Variants in ZBBX observed in about 807,000 individuals in gnomAD.
ZBBX encodes the protein zinc finger B-box domain containing.
ZBBX carries 101 observed loss-of-function variants against 108.5 expected under a neutral mutation model. The ratio of observed to expected loss-of-function variants is 0.93; its 90% confidence interval spans 0.79 to 1.10. The LOEUF (loss-of-function observed/expected upper bound fraction) is 1.10. Ranked by LOEUF, ZBBX falls within the 50% of genes least tolerant of loss-of-function variation. The pLI, the probability that ZBBX is intolerant of heterozygous loss-of-function variation, is 0.00. For missense variants in ZBBX, 1,009 were observed against 941.4 expected (o/e 1.07, Z -0.94); for synonymous variants, 356 against 323.4 (o/e 1.10, Z -1.08).
intron 12 of ZBBX, among the ~76,000 whole-genome samples, chr3:167,320,243 C>CAAA (rs201604484): frequency 1.1e-4 from 11 of 98,348 alleles, no homozygotes; most frequent in Admixed American, 4.9e-4. Context: ...GCAAACTAAC[C>CAAA]AAAAAAAAAA....
rs889936416 is a variant in ZBBX, at chr3:167,380,255, C to G, written c.-295G>C. ...GCAGACAGACAACCCACCTGGAGACCCCAGCCTCTCGCGTCACCACCGCCG... is the reference window on the plus strand; with the variant it reads ...GCAGACAGACAACCCACCTGGAGACGCCAGCCTCTCGCGTCACCACCGCCG... On this transcript the variant is annotated 5_prime_UTR_variant, in exon 1 of 22. Transcript: ENST00000675490. 1 of 152,298 alleles carries G rather than the reference C, an allele frequency of 6.6e-6. No individual in the cohort carries two copies. The highest frequency in any genetic ancestry group is 2.4e-5 in the African/African-American group (1 of 41,458). 9.4% of individuals were successfully genotyped at this position (152,298 alleles called of 1,614,324 possible).
downstream of ZBBX, among the ~76,000 whole-genome samples, chr3:167,236,903 A>C (rs1720251960): frequency 6.6e-6 from 1 of 151,840 alleles, no homozygotes. Context: ...ATGAAGAAAA[A>C]AGGGGCAAAA....
At chr3:167,194,596 A>G in the ZBBX span, among the ~76,000 whole-genome samples, 1 of 152,238 alleles carries the variant, frequency 6.6e-6, no homozygotes, top group Non-Finnish European at 1.5e-5. Context: ...GATCAGCCAG[A>G]GAGCTGTCAA....
At chr3:167,396,033 G>A (rs1748226592) in intron 1 of ZBBX, among the ~76,000 whole-genome samples, 1 of 152,026 alleles carries the variant, frequency 6.6e-6, no homozygotes, top group Non-Finnish European at 1.5e-5. Context: ...GAAGAAGACA[G>A]TTGTCATGGC....
the ZBBX span, among the ~76,000 whole-genome samples, chr3:167,208,816 T>C: frequency 3.9e-5 from 6 of 152,122 alleles, no homozygotes; most frequent in Non-Finnish European, 8.8e-5. Context: ...GTCTTGTAGC[T>C]TAGGCACCAG....
chr3:167,192,617 A>G, the ZBBX span, among the ~76,000 whole-genome samples: 12 of 151,968 alleles, frequency 7.9e-5, no homozygotes, highest in Non-Finnish European at 1.2e-4. Context: ...TTAGATTTGC[A>G]TTTTTGAGGT....
At chr3:167,406,022 C>A (rs1748573952) in intron 1 of ZBBX, among the ~76,000 whole-genome samples, 1 of 152,066 alleles carries the variant, frequency 6.6e-6, no homozygotes, top group African/African-American at 2.4e-5. Context: ...GCCGATAGTG[C>A]CATTGCTCTC....
At chr3:167,272,211 T>A (rs958454066) in intron 20 of ZBBX, among the ~76,000 whole-genome samples, 1 of 152,220 alleles carries the variant, frequency 6.6e-6, no homozygotes, top group Non-Finnish European at 1.5e-5. Flanking sequence ...AAATGCCCTA[T>A]GGACTGCCCT....
At chr3:167,291,135 A>G (rs746468828) in intron 18 of ZBBX, among the ~76,000 whole-genome samples, 24 of 152,188 alleles carry the variant, frequency 1.6e-4, no homozygotes, top group Non-Finnish European at 2.2e-4. Context: ...AACACTCTTC[A>G]GGATATTATC....
At chr3:167,196,190 C>A in the ZBBX span, among the ~76,000 whole-genome samples, 1 of 152,214 alleles carries the variant, frequency 6.6e-6, no homozygotes, top group South Asian at 2.1e-4. Context: ...GTGGTATGAT[C>A]AAGAGAACAG....
intron 11 of ZBBX, 129 bp from the exon 12 acceptor site, chr3:167,322,366 G>T: frequency 1.4e-6 from 1 of 698,304 alleles, no homozygotes; most frequent in Non-Finnish European, 2.1e-6. Context: ...ACAATCAATA[G>T]GTTAAGGTTT....
At chr3:167,351,356 C>T (rs969913984) in intron 8 of ZBBX, among the ~76,000 whole-genome samples, 1 of 152,038 alleles carries the variant, frequency 6.6e-6, no homozygotes, top group Non-Finnish European at 1.5e-5. Context: ...CTTGGGTGTG[C>T]CTTTCTATAG....
intron 19 of ZBBX, among the ~76,000 whole-genome samples, chr3:167,282,755 T>TA (rs1184466363): frequency 1.3e-5 from 2 of 152,188 alleles, no homozygotes; most frequent in Non-Finnish European, 2.9e-5. Context: ...CTAATTTTAA[T>TA]ATTCACAAAG....
chr3:167,317,770 TA>T (rs927575614), intron 12 of ZBBX, among the ~76,000 whole-genome samples, 173 bp from the exon 13 acceptor site: 25 of 151,426 alleles, frequency 1.7e-4, no homozygotes, highest in Admixed American at 4.6e-4. Flanking sequence ...CTTAATGTAC[TA>T]AAAAAAAACT....
Position 167,350,516 on chromosome 3 carries a change from C to T in ZBBX, c.433-1G>A, listed in dbSNP as rs1293114937. 6.4e-7 allele frequency: 1 copy of T among 1,562,244 alleles called. No homozygotes were observed. Among genetic ancestry groups the T allele is most frequent in the Non-Finnish European group, 8.7e-7 (1 of 1,152,268 alleles). On this transcript the variant is annotated splice_acceptor_variant, in intron 8 of 21. Transcript: ENST00000675490. LOFTEE classifies it high-confidence loss of function. The stretch of plus-strand genomic sequence containing the variant: ...AATCTTCTCCACATTCAAGGCATAC[C>T]TAAAAAGATATTTTTTAAAAAATTA...
chr3:167,329,661 T>C (rs1335255447), intron 10 of ZBBX, among the ~76,000 whole-genome samples: 1 of 152,128 alleles, frequency 6.6e-6, no homozygotes, highest in Non-Finnish European at 1.5e-5. Flanking sequence ...TGCTAGGACA[T>C]GGGAGTCAAA....
intron 10 of ZBBX, among the ~76,000 whole-genome samples, chr3:167,330,643 G>GT (rs200773131): frequency 0.012 from 1,876 of 151,952 alleles, 22 homozygotes; most frequent in Middle Eastern, 0.027. Context: ...TGTGGTCCCA[G>GT]TTACACAGGA....
At chr3:167,191,930 T>TAGAGAGAG in the ZBBX span, among the ~76,000 whole-genome samples, 29 of 127,260 alleles carry the variant, frequency 2.3e-4, no homozygotes, top group African/African-American at 9.2e-4. Context: ...TATATATATA[T>TAGAGAGAG]ATATAGAGCA....
intron 17 of ZBBX, among the ~76,000 whole-genome samples, chr3:167,303,871 T>C (rs1420649542): frequency 6.6e-6 from 1 of 152,200 alleles, no homozygotes; most frequent in African/African-American, 2.4e-5. Flanking sequence ...ATTTATATTG[T>C]TCAGGAATTG....
Sources: gnomAD v4.1 joint callset for allele counts (sites outside exome capture counted in the v4.1 genomes callset) on GRCh38, gnomAD v4.1.1 for gene constraint, MANE v1.5 for transcripts, NCBI Gene and HGNC (gene_info 2026-07-23, HGNC 2026-07-21) for gene names.